FREM1: variants seen among roughly 807,000 people sequenced by gnomAD.
The protein encoded by FREM1 is FRAS1 related extracellular matrix 1, also known as FRAS1-related extracellular matrix protein 1.
Under a neutral mutation model 210.1 loss-of-function variants are expected in FREM1, and 220 were observed. The observed-to-expected ratio is 1.05, with a 90% confidence interval of 0.94 to 1.17. The LOEUF is 1.17. Ranked by LOEUF, FREM1 falls within the 50% of genes most tolerant of loss-of-function variation. The pLI, the probability that FREM1 is intolerant of heterozygous loss-of-function variation, is 0.00. For synonymous variants in FREM1, 1,189 were observed against 980.2 expected (o/e 1.21, Z -3.98); for missense variants, 3,454 against 2,675.5 (o/e 1.29, Z -6.42).
intron 16 of FREM1, among the ~76,000 whole-genome samples, chr9:14,810,654 T>C (rs1054717116): frequency 6.6e-6 from 1 of 152,196 alleles, no homozygotes; most frequent in African/African-American, 2.4e-5. Flanking sequence ...TGTTATTCTA[T>C]TACTAAAACA....
intron 21 of FREM1, among the ~76,000 whole-genome samples, chr9:14,795,740 G>C (rs1351730575): frequency 1.3e-5 from 2 of 152,148 alleles, no homozygotes; most frequent in Admixed American, 6.5e-5. Flanking sequence ...GTTTTCCTCA[G>C]TCAGGATAAT....
chr9:14,820,868 C>T (rs563143939), intron 13 of FREM1, among the ~76,000 whole-genome samples: 396 of 152,246 alleles, frequency 2.6e-3, no homozygotes, highest in Middle Eastern at 0.014. Flanking sequence ...GTGTTGTCTT[C>T]GAACAAAGGT....
At chr9:14,889,748 T>A (rs1161713931) in intron 1 of FREM1, among the ~76,000 whole-genome samples, 1 of 152,208 alleles carries the variant, frequency 6.6e-6, no homozygotes, top group Non-Finnish European at 1.5e-5. Flanking sequence ...TTCTATGCTC[T>A]TAGGTTGTCC....
rs368592121 is a variant in FREM1 at position 14,770,589 on chromosome 9, T to C, written c.5059+16A>G. On this transcript the variant is annotated intron_variant, in intron 26 of 36. Transcript: ENST00000380880. ...TATTTTAAAATGGCAATTGTAAGGATTAAGGAGGCCAGTACCTGTTGTTGT... is the reference window on the plus strand; with the variant it reads ...TATTTTAAAATGGCAATTGTAAGGACTAAGGAGGCCAGTACCTGTTGTTGT... The C allele has an allele frequency of 1.3e-6, 2 of 1,595,596 alleles. No individual in the cohort carries two copies. The highest frequency in any genetic ancestry group is 2.7e-5 in the African/African-American group (2 of 74,610).
intron 1 of FREM1, among the ~76,000 whole-genome samples, chr9:14,879,940 G>A (rs11789825): frequency 0.11 from 17,313 of 152,138 alleles, 1,297 homozygotes; most frequent in Middle Eastern, 0.18. Context: ...ATGTCTAGAT[G>A]TTTGTGTCCC....
At chr9:14,855,561 C>G (rs540279117) in intron 5 of FREM1, among the ~76,000 whole-genome samples, 13 of 151,866 alleles carry the variant, frequency 8.6e-5, no homozygotes, top group Admixed American at 8.5e-4. Flanking sequence ...AAAACAAAAC[C>G]AACTCTGGCA....
chr9:14,813,600 G>A (rs1452268769), intron 15 of FREM1, among the ~76,000 whole-genome samples: 2 of 151,556 alleles, frequency 1.3e-5, no homozygotes, highest in Non-Finnish European at 1.5e-5. Flanking sequence ...ATGAAACTCC[G>A]TAACTATTCA....
intron 1 of FREM1, among the ~76,000 whole-genome samples, chr9:14,885,674 AG>A (rs1319326866): frequency 6.6e-6 from 1 of 152,054 alleles, no homozygotes; most frequent in Non-Finnish European, 1.5e-5. Flanking sequence ...CTTCCATCTT[AG>A]CCTCCCAAAG....
rs200424771 is a variant in FREM1, at chr9:14,752,849, C to CCAAACAAA, written c.5408-2581_5408-2574dup. Among the ~76,000 whole-genome samples, 8 of 152,002 alleles carry CCAAACAAA rather than the reference C, an allele frequency of 5.3e-5. No homozygotes were observed. In the South Asian group the frequency reaches 1.0e-3, roughly 20 times the overall value. ...TAATTTTTTAAAATTATAGTACCCC[C>CCAAACAAA]CAAACAAACAAACAAACAAACAAAA... On this transcript the variant is annotated intron_variant, in intron 29 of 36. Coordinates refer to ENST00000380880, the MANE Select transcript of FREM1 (RefSeq NM_001379081.2).
In FREM1 at chr9:14,775,985, T is replaced by A; in HGVS notation, c.4661A>T (p.Gln1554Leu). 6.2e-7 allele frequency: 1 copy of A among 1,614,034 alleles called. No homozygotes were observed. ...FLLVQLPQHG[Q>L]LYLWGTGLLQ... Reference sequence around the variant, plus strand: ...TAGCCCTGTCCCCCACAGGTAGAGCTGGCCATGCTGGGGGAGCTGAACCAA... The same window carrying A: ...TAGCCCTGTCCCCCACAGGTAGAGCAGGCCATGCTGGGGGAGCTGAACCAA... Residue 1554 changes from glutamine to leucine, a missense_variant, in exon 25 of 37, where the codon CAG becomes CTG. By Grantham distance (113) the Gln-to-Leu change is moderately radical (BLOSUM62 -2). Coordinates refer to ENST00000380880, the MANE Select transcript of FREM1 (RefSeq NM_001379081.2).
intron 12 of FREM1, among the ~76,000 whole-genome samples, chr9:14,823,584 A>G (rs1438109721): frequency 6.6e-6 from 1 of 152,178 alleles, no homozygotes; most frequent in East Asian, 1.9e-4. Flanking sequence ...ACCTTGATTT[A>G]AGACTTCTAG....
At chr9:14,862,307 C>A (rs1254221871) in intron 3 of FREM1, among the ~76,000 whole-genome samples, 3 of 152,162 alleles carry the variant, frequency 2.0e-5, no homozygotes, top group Non-Finnish European at 4.4e-5. Context: ...GTTCCAATGT[C>A]TTGTACAAAA....
intron 29 of FREM1, chr9:14,751,964 C>G (rs1286737517): frequency 6.6e-6 from 1 of 150,458 alleles, no homozygotes; most frequent in East Asian, 1.9e-4. Flanking sequence ...AAACCAATTA[C>G]GTTCACAGTC....
intron 7 of FREM1, among the ~76,000 whole-genome samples, 153 bp downstream of exon 7, chr9:14,848,512 C>G (rs1360333492): frequency 6.6e-6 from 1 of 152,200 alleles, no homozygotes; most frequent in African/African-American, 2.4e-5. Context: ...AAAAAAACAA[C>G]AACAAAAGCT....
chr9:14,841,687 G>A lies in FREM1; in HGVS notation c.1739-98C>T, dbSNP rs190636377. Reference sequence around the variant, plus strand: ...TATCTTCAAAAGTCTTATCTGTCTAGTACATTCTATGTACCCAAGGAATCT... The same window carrying A: ...TATCTTCAAAAGTCTTATCTGTCTAATACATTCTATGTACCCAAGGAATCT... On this transcript the variant is annotated intron_variant, in intron 9 of 36. Transcript: ENST00000380880. 4 of 871,636 alleles carry A rather than the reference G, an allele frequency of 4.6e-6. No homozygotes were observed. The East Asian group carries it at 1.1e-4, about 24-fold the overall frequency. 54.0% of individuals were successfully genotyped at this position (871,636 alleles called of 1,614,324 possible).
chr9:14,816,685 C>A (rs986294029), intron 15 of FREM1, 93 bp downstream of exon 15: 10 of 600,598 alleles, frequency 1.7e-5, no homozygotes, highest in Non-Finnish European at 2.5e-5. Flanking sequence ...AAATAAATTT[C>A]TTTTCATTAT....
At position 14,826,511 on chromosome 9, in the gene FREM1, C is replaced by A. The variant is rs374215064; in HGVS notation, c.1882-1519G>T. Among the ~76,000 whole-genome samples, 42 of 152,344 alleles carry A rather than the reference C, an allele frequency of 2.8e-4. No individual in the cohort carries two copies. In the South Asian group the frequency reaches 5.6e-3, roughly 20 times the overall value. Reference sequence around the variant, plus strand: ...AATGCTTTCCTCCTGTTTTATCCAGCAACCTGAGTCTTTCTCACCCTTAAC... The same window carrying A: ...AATGCTTTCCTCCTGTTTTATCCAGAAACCTGAGTCTTTCTCACCCTTAAC... On this transcript the variant is annotated intron_variant, in intron 10 of 36. Transcript: ENST00000380880.
intron 27 of FREM1, among the ~76,000 whole-genome samples, chr9:14,764,011 A>C (rs1312807721): frequency 2.0e-5 from 3 of 152,050 alleles, no homozygotes; most frequent in Non-Finnish European, 4.4e-5. Context: ...GCTCATCTTG[A>C]ATTGCAGCTC....
intron 16 of FREM1, among the ~76,000 whole-genome samples, chr9:14,809,637 T>C (rs751720905): frequency 5.3e-5 from 8 of 152,220 alleles, no homozygotes; most frequent in Non-Finnish European, 7.3e-5. Context: ...CCTATTCATA[T>C]ATCTAAAATG....
Sources: gnomAD v4.1 joint callset for allele counts (sites outside exome capture counted in the v4.1 genomes callset) on GRCh38, gnomAD v4.1.1 for gene constraint, MANE v1.5 for transcripts, NCBI Gene and HGNC (gene_info 2026-07-23, HGNC 2026-07-21) for gene names.